Variants in SYT9 observed in about 807,000 individuals in gnomAD.
The protein encoded by SYT9 is synaptotagmin-9.
Under a neutral mutation model 48.4 loss-of-function variants are expected in SYT9, and 22 were observed. That is an observed-to-expected ratio of 0.45 (90% CI 0.32 to 0.65). The LOEUF (loss-of-function observed/expected upper bound fraction) is 0.65, where lower values mean the gene tolerates loss of function less well. SYT9 is among the 30% of genes least tolerant of loss of function. SYT9 has a pLI of 0.03. For missense variants in SYT9, 577 were observed against 622.0 expected, an observed-to-expected ratio of 0.93 and a Z score of 0.77; for synonymous variants, 265 against 245.0, an observed-to-expected ratio of 1.08 and a Z score of -0.76.
At chr11:7,244,931 A>G (rs1201039469) in intron 1 of SYT9, among the ~76,000 whole-genome samples, 1 of 152,228 alleles carries the variant, frequency 6.6e-6, no homozygotes, top group Non-Finnish European at 1.5e-5. Context: ...TTGATGCTAA[A>G]GGGTGAAGGA....
chr11:7,244,059 A>G (rs1338476900), intron 1 of SYT9, among the ~76,000 whole-genome samples: 1 of 152,056 alleles, frequency 6.6e-6, no homozygotes, highest in Non-Finnish European at 1.5e-5. Context: ...TTCTGAAACG[A>G]TGAACAAATG....
intron 3 of SYT9, among the ~76,000 whole-genome samples, chr11:7,354,537 G>A (rs1239438341): frequency 6.6e-6 from 1 of 152,130 alleles, no homozygotes; most frequent in African/African-American, 2.4e-5. Flanking sequence ...TTGAAACCCA[G>A]GCCCTGAGGC....
chr11:7,415,487 A>AT (rs1327875098), intron 3 of SYT9, among the ~76,000 whole-genome samples: 1 of 151,642 alleles, frequency 6.6e-6, no homozygotes, highest in Non-Finnish European at 1.5e-5. Context: ...CGCAAGTTTG[A>AT]GGGGGCTGTG....
chr11:7,294,742 A>T (rs998975782), intron 1 of SYT9, among the ~76,000 whole-genome samples: 1 of 152,166 alleles, frequency 6.6e-6, no homozygotes, highest in Non-Finnish European at 1.5e-5. Context: ...CATGGCCCAC[A>T]CACCCACACA....
chr11:7,334,807 T>C (rs1312157340), intron 3 of SYT9, among the ~76,000 whole-genome samples: 1 of 152,244 alleles, frequency 6.6e-6, no homozygotes, highest in Non-Finnish European at 1.5e-5. Flanking sequence ...TTGTATGTAT[T>C]AATAATTCAA....
At chr11:7,287,541 G>A (rs1278964217) in intron 1 of SYT9, among the ~76,000 whole-genome samples, 1 of 152,184 alleles carries the variant, frequency 6.6e-6, no homozygotes, top group Non-Finnish European at 1.5e-5. Context: ...GTAATAATTG[G>A]ATATTATCAC....
At chr11:7,425,048 A>G (rs2134110578) in intron 6 of SYT9, among the ~76,000 whole-genome samples, 1 of 152,316 alleles carries the variant, frequency 6.6e-6, no homozygotes, top group African/African-American at 2.4e-5. Flanking sequence ...GTAGTTACAC[A>G]AGCAGCCCGT....
chr11:7,412,881 T>C (rs1226441604), intron 3 of SYT9, among the ~76,000 whole-genome samples: 2 of 152,170 alleles, frequency 1.3e-5, no homozygotes, highest in East Asian at 3.8e-4. Flanking sequence ...TGCCCGCACC[T>C]CAGACCCTGG....
At chr11:7,394,534 C>G (rs890439338) in intron 3 of SYT9, among the ~76,000 whole-genome samples, 5 of 152,100 alleles carry the variant, frequency 3.3e-5, no homozygotes, top group Middle Eastern at 3.2e-3. Context: ...GAGGAATAGC[C>G]ACACTGACTT....
chr11:7,302,751 C>A (rs544503479), intron 1 of SYT9, among the ~76,000 whole-genome samples: 1 of 152,312 alleles, frequency 6.6e-6, no homozygotes, highest in East Asian at 1.9e-4. Flanking sequence ...TTCTAGTCCC[C>A]ATGAATATAT....
At chr11:7,311,094 G>A (rs890827322) in intron 2 of SYT9, among the ~76,000 whole-genome samples, 1 of 152,142 alleles carries the variant, frequency 6.6e-6, no homozygotes. Flanking sequence ...CCTGAGGTTG[G>A]GAGTTCGAGA....
At chr11:7,328,440 T>G (rs1414758167) in intron 3 of SYT9, among the ~76,000 whole-genome samples, 1 of 152,158 alleles carries the variant, frequency 6.6e-6, no homozygotes, top group Non-Finnish European at 1.5e-5. Flanking sequence ...TTTAGTACTT[T>G]CCTAGAAATT....
chr11:7,307,145 C>T (rs17214719), intron 2 of SYT9, among the ~76,000 whole-genome samples: 3,347 of 152,182 alleles, frequency 0.022, 53 homozygotes, highest in Non-Finnish European at 0.034. Flanking sequence ...TTAAGCAATC[C>T]GTAGAGTTAC....
intron 3 of SYT9, among the ~76,000 whole-genome samples, chr11:7,332,096 C>T (rs1849544812): frequency 6.6e-6 from 1 of 152,114 alleles, no homozygotes; most frequent in South Asian, 2.1e-4. Flanking sequence ...AAGGACTGCC[C>T]TCAAGTGAAA....
At chr11:7,411,394 A>G (rs1022098685) in intron 3 of SYT9, among the ~76,000 whole-genome samples, 1 of 152,104 alleles carries the variant, frequency 6.6e-6, no homozygotes, top group African/African-American at 2.4e-5. Context: ...TTCCGGGTTT[A>G]GGACTTCTTT....
intron 6 of SYT9, among the ~76,000 whole-genome samples, chr11:7,447,539 C>A (rs1211593344): frequency 1.3e-5 from 2 of 152,230 alleles, no homozygotes; most frequent in Non-Finnish European, 2.9e-5. Flanking sequence ...ACTCAACATA[C>A]AGATAAACTT....
chr11:7,365,105 C>G (rs1850215896), intron 3 of SYT9, among the ~76,000 whole-genome samples: 1 of 151,850 alleles, frequency 6.6e-6, no homozygotes, highest in South Asian at 2.1e-4. Context: ...CACAGTGAAA[C>G]GCTCCATTGA....
chr11:7,289,356 G>A (rs1012232949), intron 1 of SYT9, among the ~76,000 whole-genome samples: 1 of 152,192 alleles, frequency 6.6e-6, no homozygotes, highest in African/African-American at 2.4e-5. Context: ...CAGAGTTTCA[G>A]CATGGGATGG....
rs112141588 is a variant in SYT9, at chr11:7,407,995, G to T, written c.1045-8047G>T. On this transcript the variant is annotated intron_variant, in intron 3 of 6. Coordinates refer to ENST00000318881, the MANE Select transcript of SYT9 (RefSeq NM_175733.4). ...AGCATTGTCGTTTTTGTTCAGAATTGCTTTGGCTATTCAGGCTCTCTTTTG... is the reference window on the plus strand; with the variant it reads ...AGCATTGTCGTTTTTGTTCAGAATTTCTTTGGCTATTCAGGCTCTCTTTTG... Among the ~76,000 whole-genome samples the T allele has an allele frequency of 3.9e-3, 583 of 151,426 alleles. 4 individuals carry two copies. The highest frequency in any genetic ancestry group is 0.013 in the African/African-American group (547 of 41,380).
Sources: gnomAD v4.1 joint callset for allele counts (sites outside exome capture counted in the v4.1 genomes callset) on GRCh38, gnomAD v4.1.1 for gene constraint, MANE v1.5 for transcripts, NCBI Gene and HGNC (gene_info 2026-07-23, HGNC 2026-07-21) for gene names.